Variants in PRRT1B observed in about 807,000 individuals in gnomAD.
PRRT1B encodes the protein dispanin subfamily D member 2.
rs1284331945 is a variant in PRRT1B, at chr9:131,558,034, C to G, written c.643-19C>G. Reference sequence around the variant, plus strand: ...CCCTGTTCGCTCCCACCGCCCCCTCCTGCCCTGTCTCGTTGCAGGCCCGTG... The same window carrying G: ...CCCTGTTCGCTCCCACCGCCCCCTCGTGCCCTGTCTCGTTGCAGGCCCGTG... On this transcript the variant is annotated intron_variant, in intron 3 of 3. Transcript: ENST00000636672. 1 of 398,980 alleles carries G rather than the reference C, an allele frequency of 2.5e-6. No individual in the cohort carries two copies. The allele number at this position is 398,980 out of a possible 1,614,324, so 24.7% of individuals were successfully genotyped here. A position where few individuals can be genotyped will look rare whatever the true frequency, so the allele number is the denominator to read the frequency against.
intron 1 of PRRT1B, among the ~76,000 whole-genome samples, chr9:131,552,655 G>C (rs1012155721): frequency 3.0e-5 from 4 of 131,908 alleles, no homozygotes; most frequent in South Asian, 4.4e-4. Context: ...CATGCAGTTT[G>C]GGGGGGAGCC....
At chr9:131,553,386 T>C (rs187996904) in intron 1 of PRRT1B, among the ~76,000 whole-genome samples, 163 of 152,302 alleles carry the variant, frequency 1.1e-3, no homozygotes, top group African/African-American at 3.7e-3. Context: ...CGTCACATGG[T>C]CAAGCCCAGA....
At chr9:131,553,136 A>G (rs1165381567) in intron 1 of PRRT1B, among the ~76,000 whole-genome samples, 1 of 152,176 alleles carries the variant, frequency 6.6e-6, no homozygotes, top group East Asian at 1.9e-4. Flanking sequence ...AAATATGTAT[A>G]ACATACGATT....
chr9:131,558,435 G>C (rs1951064452), exon 4 of PRRT1B: 1 of 372,048 alleles, frequency 2.7e-6, no homozygotes, highest in African/African-American at 2.1e-5. Flanking sequence ...CCTAATCCAA[G>C]GTGTCTCCAG....
rs947052742 is a variant in PRRT1B at position 131,556,060 on chromosome 9, G to A, written c.499-10G>A. Reference sequence around the variant, plus strand: ...CCAGCTCCCTCACCACTGTGGCTCTGCCCCCACAGTACAATGGCCCGATGG... The same window carrying A: ...CCAGCTCCCTCACCACTGTGGCTCTACCCCCACAGTACAATGGCCCGATGG... On this transcript the variant is annotated splice_polypyrimidine_tract_variant and intron_variant, in intron 2 of 3. Coordinates refer to ENST00000636672, the Ensembl canonical transcript of PRRT1B. The A allele has an allele frequency of 1.0e-5, 4 of 400,852 alleles. No homozygotes were observed. Among genetic ancestry groups the A allele is most frequent in the African/African-American group, 2.1e-5 (1 of 48,716 alleles). 24.8% of individuals were successfully genotyped at this position (400,852 alleles called of 1,614,324 possible). A position where few individuals can be genotyped will look rare whatever the true frequency, so the allele number is the denominator to read the frequency against.
rs1314754427 is a variant in PRRT1B, at chr9:131,551,060, A to T, written c.26-3497A>T. 2.1e-5 allele frequency among the ~76,000 whole-genome samples: 3 copies of T among 143,220 alleles called. No individual in the cohort carries two copies. Among genetic ancestry groups the T allele is most frequent in the Non-Finnish European group, 4.5e-5 (3 of 66,794 alleles). The allele number at this position is 143,220 out of a possible 152,430, so 94.0% of individuals were successfully genotyped here. Reference sequence around the variant, plus strand: ...CGGGTTCACGCCATTCTTCTGCCTCAGCCTCCCGAGTAGCTGGGACTACAG... The same window carrying T: ...CGGGTTCACGCCATTCTTCTGCCTCTGCCTCCCGAGTAGCTGGGACTACAG... On this transcript the variant is annotated intron_variant, in intron 1 of 3. Coordinates refer to ENST00000636672, the Ensembl canonical transcript of PRRT1B. This position sits in a 1 kb window ranked among gnomAD's most constrained non-coding sequence, Gnocchi z 4.4.
intron 1 of PRRT1B, among the ~76,000 whole-genome samples, chr9:131,552,677 G>GT (rs60006538): frequency 0.016 from 2,236 of 141,436 alleles, 21 homozygotes; most frequent in Middle Eastern, 0.054. Flanking sequence ...AACCTCTAAG[G>GT]TTTTTTTTTT....
At chr9:131,545,565 G>T (rs1486289149) in exon 1 of PRRT1B, 6 of 397,098 alleles carry the variant, frequency 1.5e-5, no homozygotes, top group Non-Finnish European at 2.2e-5. Flanking sequence ...CCGACGGCAG[G>T]CGCCGGGCCA....
chr9:131,546,582 G>A (rs1950976805), intron 1 of PRRT1B, among the ~76,000 whole-genome samples: 1 of 151,688 alleles, frequency 6.6e-6, no homozygotes, highest in South Asian at 2.1e-4. Flanking sequence ...AGTCCCATCT[G>A]CAAGCAGCTC....
chr9:131,555,002 C>A (rs1353115840), exon 2 of PRRT1B: 2 of 393,428 alleles, frequency 5.1e-6, no homozygotes, highest in Non-Finnish European at 9.0e-6. Flanking sequence ...TCTCGCCGCC[C>A]GCCGGGGCCG....
intron 1 of PRRT1B, among the ~76,000 whole-genome samples, chr9:131,545,858 G>A (rs1366856472): frequency 1.3e-5 from 2 of 151,752 alleles, no homozygotes; most frequent in African/African-American, 4.8e-5. Flanking sequence ...GCTGGAGGGG[G>A]TTTAGCGGGT....
intron 1 of PRRT1B, among the ~76,000 whole-genome samples, chr9:131,547,108 A>G (rs1950981822): frequency 8.4e-6 from 1 of 119,008 alleles, no homozygotes; most frequent in African/African-American, 3.6e-5. Flanking sequence ...GTCTCGTTCT[A>G]TTGCCCAGGC....
At position 131,551,250 on chromosome 9, in the gene PRRT1B, G is replaced by GT. The variant is rs1173958221; in HGVS notation, c.26-3302dup. Among the ~76,000 whole-genome samples, 10 of 151,872 alleles carry GT rather than the reference G, an allele frequency of 6.6e-5. No homozygotes were observed. Among genetic ancestry groups the GT allele is most frequent in the Non-Finnish European group, 1.3e-4 (9 of 67,978 alleles). On this transcript the variant is annotated intron_variant, in intron 1 of 3. Coordinates refer to ENST00000636672, the Ensembl canonical transcript of PRRT1B. The surrounding 1 kb of genome is among the most constrained non-coding windows in gnomAD (Gnocchi z 4.4). Reference sequence around the variant, plus strand: ...AGCCACCGCGCCCGACCTGCGTTTAGTTTTTCAATTCATACAAAACCGCAT... The same window carrying GT: ...AGCCACCGCGCCCGACCTGCGTTTAGTTTTTTCAATTCATACAAAACCGCAT...
chr9:131,549,843 C>T (rs1950998999), intron 1 of PRRT1B, among the ~76,000 whole-genome samples: 3 of 152,106 alleles, frequency 2.0e-5, no homozygotes, highest in Non-Finnish European at 2.9e-5. Context: ...CTTATTAGGC[C>T]GAGACATTTT....
At chr9:131,556,880 G>A (rs949253049) in intron 3 of PRRT1B, among the ~76,000 whole-genome samples, 26 of 151,626 alleles carry the variant, frequency 1.7e-4, no homozygotes, top group African/African-American at 4.9e-5. Flanking sequence ...TGATCCACTT[G>A]CCTCAGCCTC....
At chr9:131,555,752 G>A (rs1373129559) in intron 2 of PRRT1B, among the ~76,000 whole-genome samples, 3 of 152,002 alleles carry the variant, frequency 2.0e-5, no homozygotes, top group African/African-American at 2.4e-5. Flanking sequence ...AAGATTGGAG[G>A]CCCCCCAGGG....
intron 1 of PRRT1B, among the ~76,000 whole-genome samples, chr9:131,554,182 G>A (rs1019160361): frequency 2.6e-5 from 4 of 152,228 alleles, no homozygotes; most frequent in African/African-American, 9.6e-5. Flanking sequence ...CATTGGAGGT[G>A]TATCTCAGGA....
At chr9:131,549,333 A>C (rs747439855) in intron 1 of PRRT1B, among the ~76,000 whole-genome samples, 3 of 152,184 alleles carry the variant, frequency 2.0e-5, no homozygotes, top group Non-Finnish European at 4.4e-5. Flanking sequence ...ATTCCTCCAG[A>C]ACCTCTTCCC....
Position 131,553,010 on chromosome 9 carries a change from C to T in PRRT1B, c.26-1547C>T, listed in dbSNP as rs559512145. On this transcript the variant is annotated intron_variant, in intron 1 of 3. Transcript: ENST00000636672. ...CATTCTCTAAGTTTTGACTCCACTCCGCAACCTCCCTGCTTTTGTTTGTCT... is the reference window on the plus strand; with the variant it reads ...CATTCTCTAAGTTTTGACTCCACTCTGCAACCTCCCTGCTTTTGTTTGTCT... Among the ~76,000 whole-genome samples, 10 of 152,166 alleles carry T rather than the reference C, an allele frequency of 6.6e-5. No individual in the cohort carries two copies. In the South Asian group the frequency reaches 8.3e-4, roughly 13 times the overall value.
Sources: gnomAD v4.1 joint callset for allele counts (sites outside exome capture counted in the v4.1 genomes callset) on GRCh38, gnomAD v4.1.1 for gene constraint, Gnocchi (gnomAD v3.1) non-coding constraint, MANE v1.5 for transcripts, NCBI Gene and HGNC (gene_info 2026-07-23, HGNC 2026-07-21) for gene names.